The following DCC variants were observed in gnomAD, a reference collection of about 807,000 sequenced individuals.
DCC encodes netrin receptor DCC.
A neutral mutation model predicts 172.5 loss-of-function variants in DCC; 58 were observed. The observed-to-expected ratio is 0.34, with a 90% CI of 0.27 to 0.42. The LOEUF (loss-of-function observed/expected upper bound fraction) is 0.42, where lower values mean the gene tolerates loss of function less well. Among genes scored for constraint, DCC ranks in the 10% least tolerant of loss-of-function variants. The pLI is 1.00. For synonymous variants in DCC, 709 were observed against 644.5 expected, an observed-to-expected ratio of 1.10 and a Z score of -1.52; for missense variants, 1,740 against 1,791.0, an observed-to-expected ratio of 0.97 and a Z score of 0.51.
At chr18:52,982,678 A>G (rs146863233) in intron 5 of DCC, among the ~76,000 whole-genome samples, 1 of 152,106 alleles carries the variant, frequency 6.6e-6, no homozygotes, top group African/African-American at 2.4e-5. Context: ...AGATATTGCC[A>G]GATGTCCCCA....
At chr18:53,374,813 T>C (rs2058093321) in intron 15 of DCC, among the ~76,000 whole-genome samples, 1 of 152,134 alleles carries the variant, frequency 6.6e-6, no homozygotes, top group Non-Finnish European at 1.5e-5. Context: ...TAGGAGAAAA[T>C]TAAATGTTGG....
intron 1 of DCC, among the ~76,000 whole-genome samples, chr18:52,508,516 G>T (rs1253603946): frequency 2.0e-5 from 3 of 152,096 alleles, no homozygotes; most frequent in African/African-American, 2.4e-5. Flanking sequence ...CCACATAAAA[G>T]ATATGAAAAA....
chr18:52,515,291 T>G (rs2031588193), intron 1 of DCC, among the ~76,000 whole-genome samples: 4 of 152,034 alleles, frequency 2.6e-5, no homozygotes, highest in Admixed American at 2.0e-4. Context: ...ATCTTATACC[T>G]TATACAAAAA....
At chr18:52,779,884 T>A (rs1327613240) in intron 2 of DCC, among the ~76,000 whole-genome samples, 1 of 152,234 alleles carries the variant, frequency 6.6e-6, no homozygotes, top group Non-Finnish European at 1.5e-5. Context: ...TGGTTTTGAT[T>A]TGCATTTCTC....
rs577299948 is a variant in DCC, at chr18:53,179,171, T to C, written c.1573+55T>C. On this transcript the variant is annotated intron_variant, in intron 9 of 28. Transcript: ENST00000442544. ...AAAAAGTATTTATTTTCCTCTGCAA[T>C]ATCCTTGAATTCTTTCACAGAACCT... 9.9e-6 allele frequency: 15 copies of C among 1,522,808 alleles called. No homozygotes were observed. In the East Asian group the frequency reaches 3.0e-4, roughly 30 times the overall value. 94.3% of individuals were successfully genotyped at this position (1,522,808 alleles called of 1,614,324 possible). A position where few individuals can be genotyped will look rare whatever the true frequency, so the allele number is the denominator to read the frequency against.
intron 1 of DCC, among the ~76,000 whole-genome samples, chr18:52,492,524 G>A (rs1025063203): frequency 2.0e-5 from 3 of 151,864 alleles, no homozygotes; most frequent in African/African-American, 4.8e-5. Flanking sequence ...TTGCAGGTAG[G>A]TGTGAGTTTT....
intron 7 of DCC, among the ~76,000 whole-genome samples, chr18:53,072,314 C>T (rs912774417): frequency 6.6e-6 from 1 of 151,898 alleles, no homozygotes; most frequent in Non-Finnish European, 1.5e-5. Context: ...AATTAAGGAC[C>T]CTGTTTGGTA....
intron 1 of DCC, among the ~76,000 whole-genome samples, chr18:52,702,169 G>A (rs1272581595): frequency 1.3e-5 from 2 of 152,076 alleles, no homozygotes; most frequent in Non-Finnish European, 2.9e-5. Context: ...TGCGAAACTG[G>A]ATTCTTCAGC....
chr18:53,047,606 T>C (rs1346380845), intron 5 of DCC, among the ~76,000 whole-genome samples: 1 of 150,534 alleles, frequency 6.6e-6, no homozygotes, highest in Admixed American at 6.7e-5. Flanking sequence ...GATTTCACTT[T>C]GCAAGTCTCA....
At chr18:52,580,105 T>C (rs1331516361) in intron 1 of DCC, among the ~76,000 whole-genome samples, 1 of 152,246 alleles carries the variant, frequency 6.6e-6, no homozygotes, top group African/African-American at 2.4e-5. Flanking sequence ...ACTCTTAGCC[T>C]CTGTGCTGCA....
chr18:52,501,427 G>C (rs2031013071), intron 1 of DCC, among the ~76,000 whole-genome samples: 1 of 152,110 alleles, frequency 6.6e-6, no homozygotes, highest in East Asian at 1.9e-4. Context: ...GTAGCTGAAT[G>C]CCTTTACGTT....
At chr18:53,017,210 G>A (rs1191547700) in intron 5 of DCC, among the ~76,000 whole-genome samples, 2 of 151,808 alleles carry the variant, frequency 1.3e-5, no homozygotes, top group African/African-American at 4.8e-5. Flanking sequence ...CGCGTAGCTG[G>A]GACTACAGGC....
chr18:53,126,879 G>T (rs2043564725), intron 7 of DCC, among the ~76,000 whole-genome samples: 1 of 152,212 alleles, frequency 6.6e-6, no homozygotes, highest in Non-Finnish European at 1.5e-5. Flanking sequence ...TTAAAATGAG[G>T]TTATGCTGTC....
In DCC at chr18:53,140,979, C is replaced by T. The variant is rs564819573; in HGVS notation, c.1262-16377C>T. Reference sequence around the variant, plus strand: ...ATAAACTCAGCGAGAAATTTAATGGCACAAGAAGTTCCTCAATAAGTCATT... The same window carrying T: ...ATAAACTCAGCGAGAAATTTAATGGTACAAGAAGTTCCTCAATAAGTCATT... On this transcript the variant is annotated intron_variant, in intron 7 of 28. Transcript: ENST00000442544. Among the ~76,000 whole-genome samples, 7 of 152,112 alleles carry T rather than the reference C, an allele frequency of 4.6e-5. No homozygotes were observed. In the South Asian group the frequency reaches 1.2e-3, roughly 27 times the overall value.
At chr18:53,486,173 G>A (rs1332078339) in intron 25 of DCC, among the ~76,000 whole-genome samples, 1 of 151,994 alleles carries the variant, frequency 6.6e-6, no homozygotes, top group Non-Finnish European at 1.5e-5. Flanking sequence ...TTATCTGTGG[G>A]TTTCAGCCAC....
chr18:52,430,360 A>C (rs1145243), intron 1 of DCC, among the ~76,000 whole-genome samples: 47,869 of 151,446 alleles, frequency 0.32, 8,249 homozygotes, highest in East Asian at 0.64. Context: ...GGAGAAAAAA[A>C]AAGATGTGAA....
intron 25 of DCC, among the ~76,000 whole-genome samples, chr18:53,483,635 T>G (rs1041515463): frequency 6.6e-6 from 1 of 151,880 alleles, no homozygotes; most frequent in African/African-American, 2.4e-5. Context: ...TGTTTGTGGG[T>G]CTTTTTTTGA....
rs2046204576 is a variant in DCC, at chr18:53,508,058, A to AATT, written c.4111+8549_4111+8551dup. On this transcript the variant is annotated intron_variant, in intron 27 of 28. Transcript: ENST00000442544. ...CAGGTGCCTGCCACCATGCCCAGCT[A>AATT]ATTTTTTTGTATTTTTAGTAGAGAC... 3.3e-5 allele frequency among the ~76,000 whole-genome samples: 5 copies of AATT among 151,716 alleles called. 1 individual carries two copies. In the South Asian group the frequency reaches 1.0e-3, roughly 32 times the overall value.
At chr18:52,396,769 A>G (rs1416573977) in intron 1 of DCC, among the ~76,000 whole-genome samples, 1 of 152,068 alleles carries the variant, frequency 6.6e-6, no homozygotes, top group Admixed American at 6.6e-5. Context: ...CCTAGAGTTG[A>G]TTCATAACGG....
Sources: allele counts gnomAD v4.1 joint callset (sites outside exome capture counted in the v4.1 genomes callset), GRCh38; gene constraint gnomAD v4.1.1; transcripts MANE v1.5; gene names NCBI Gene and HGNC (gene_info 2026-07-23, HGNC 2026-07-21).